MYRIP: variants seen among roughly 807,000 people sequenced by gnomAD.
The protein encoded by MYRIP is rab effector MyRIP.
In MYRIP, 49 loss-of-function variants were observed where a neutral mutation model predicts 98.0. The ratio of observed to expected loss-of-function variants is 0.50; its 90% CI spans 0.40 to 0.63. The LOEUF (loss-of-function observed/expected upper bound fraction) is 0.63. Among genes scored for constraint, MYRIP ranks in the 30% least tolerant of loss-of-function variants. MYRIP has a pLI of 0.00. For missense variants in MYRIP, 1,004 were observed against 1,058.2 expected, an observed-to-expected ratio of 0.95 and a Z score of 0.71; for synonymous variants, 404 against 409.5, an observed-to-expected ratio of 0.99 and a Z score of 0.16.
intron 2 of MYRIP, among the ~76,000 whole-genome samples, chr3:39,940,185 C>A (rs1467465049): frequency 6.6e-6 from 1 of 151,960 alleles, no homozygotes; most frequent in African/African-American, 2.4e-5. Context: ...ACAATGATAT[C>A]ATTAGCTATT....
chr3:40,078,307 T>C (rs928477526), intron 3 of MYRIP, among the ~76,000 whole-genome samples: 12 of 152,126 alleles, frequency 7.9e-5, no homozygotes, highest in African/African-American at 2.7e-4. Context: ...CGCACCTCTC[T>C]CCCTCCACAC....
At chr3:40,178,031 A>G (rs1950805634) in intron 8 of MYRIP, among the ~76,000 whole-genome samples, 1 of 152,216 alleles carries the variant, frequency 6.6e-6, no homozygotes, top group Admixed American at 6.5e-5. Flanking sequence ...GACCCTAAAA[A>G]CACAAAGCAA....
intron 10 of MYRIP, 85 bp downstream of exon 10, chr3:40,190,548 G>A: frequency 6.7e-7 from 1 of 1,490,420 alleles, no homozygotes; most frequent in South Asian, 1.4e-5. Context: ...ATAGAGTCCT[G>A]GGTTTGGAAT....
chr3:40,048,504 G>A (rs1947717654), intron 3 of MYRIP, among the ~76,000 whole-genome samples: 1 of 152,130 alleles, frequency 6.6e-6, no homozygotes, highest in African/African-American at 2.4e-5. Context: ...ACCTGGGGCT[G>A]TCTATTGTAC....
chr3:40,132,990 G>T (rs1332624021), intron 3 of MYRIP, among the ~76,000 whole-genome samples: 1 of 152,254 alleles, frequency 6.6e-6, no homozygotes, highest in African/African-American at 2.4e-5. Flanking sequence ...ACTGGCTCAT[G>T]GTGGGAACTA....
At chr3:40,016,238 C>G (rs566763976) in intron 2 of MYRIP, among the ~76,000 whole-genome samples, 1 of 152,184 alleles carries the variant, frequency 6.6e-6, no homozygotes, top group Admixed American at 6.5e-5. Context: ...CCTGTGTTTC[C>G]TCTTGGCTAT....
At chr3:39,822,803 C>A (rs575559165) in intron 1 of MYRIP, among the ~76,000 whole-genome samples, 1 of 151,458 alleles carries the variant, frequency 6.6e-6, no homozygotes, top group East Asian at 1.9e-4. Flanking sequence ...CTGTTCCTGG[C>A]TTATTTCACC....
intron 4 of MYRIP, among the ~76,000 whole-genome samples, chr3:40,162,180 T>G (rs1182817049): frequency 2.6e-5 from 4 of 152,016 alleles, no homozygotes; most frequent in African/African-American, 9.7e-5. Flanking sequence ...GCACTTAACC[T>G]ATCTATAATT....
At chr3:39,864,688 T>G (rs1437376091) in intron 1 of MYRIP, among the ~76,000 whole-genome samples, 2 of 152,176 alleles carry the variant, frequency 1.3e-5, no homozygotes, top group Non-Finnish European at 2.9e-5. Flanking sequence ...TGCTTATGGA[T>G]AGGAAGAATC....
intron 2 of MYRIP, among the ~76,000 whole-genome samples, chr3:39,975,897 T>C (rs1296865183): frequency 4.6e-5 from 7 of 152,180 alleles, no homozygotes; most frequent in African/African-American, 1.4e-4. Context: ...CAAAAATTAA[T>C]TCCAGATGGA....
At chr3:39,936,029 A>G (rs1196992459) in intron 2 of MYRIP, among the ~76,000 whole-genome samples, 1 of 152,220 alleles carries the variant, frequency 6.6e-6, no homozygotes, top group East Asian at 1.9e-4. Context: ...AATACTGTTA[A>G]CCTTCCTAGG....
At chr3:39,963,714 T>A (rs1278743574) in intron 2 of MYRIP, among the ~76,000 whole-genome samples, 2 of 152,144 alleles carry the variant, frequency 1.3e-5, no homozygotes, top group Admixed American at 1.3e-4. Context: ...TTTATGTATA[T>A]CTGAACATGT....
chr3:40,026,028 G>A (rs1947118257), intron 2 of MYRIP, among the ~76,000 whole-genome samples: 3 of 152,124 alleles, frequency 2.0e-5, no homozygotes, highest in Admixed American at 2.0e-4. Flanking sequence ...TTACCAGGGT[G>A]TGGTTTTTCC....
intron 2 of MYRIP, among the ~76,000 whole-genome samples, chr3:39,961,903 GAATA>G (rs777509899): frequency 1.3e-5 from 2 of 152,090 alleles, no homozygotes; most frequent in Non-Finnish European, 2.9e-5. Flanking sequence ...TAGGCCCAGG[GAATA>G]AGGGCATTAG....
intron 1 of MYRIP, among the ~76,000 whole-genome samples, chr3:39,860,232 C>T (rs1022604121): frequency 3.3e-5 from 5 of 152,166 alleles, no homozygotes; most frequent in African/African-American, 9.7e-5. Context: ...GAGGAGCAAC[C>T]TGCTCTTGCC....
rs1575603014 is a variant in MYRIP, at chr3:40,182,165, C to T, written c.874-55C>T. 13 of 1,485,452 alleles carry T rather than the reference C, an allele frequency of 8.8e-6. No homozygotes were observed. In the East Asian group the frequency reaches 2.9e-4, roughly 33 times the overall value. The allele number at this position is 1,485,452 out of a possible 1,614,324, so 92.0% of individuals were successfully genotyped here. A position where few individuals can be genotyped will look rare whatever the true frequency, so the allele number is the denominator to read the frequency against. ...TCTGCCCCCAAAAGGTGAAGGCACA[C>T]CTCCCAGGCACTGTACCTTATGAGC... On this transcript the variant is annotated intron_variant, in intron 8 of 16. Transcript: ENST00000302541.
At chr3:40,018,393 A>G (rs747054327) in intron 2 of MYRIP, among the ~76,000 whole-genome samples, 2 of 152,196 alleles carry the variant, frequency 1.3e-5, no homozygotes, top group Non-Finnish European at 2.9e-5. Flanking sequence ...GTCTCCCGCT[A>G]AACATGTTCA....
chr3:40,167,243 G>A lies in MYRIP; in HGVS notation c.729+4G>A, dbSNP rs144535737. ...GGCCACGACAATCCTGCAGAAGGTA[G>A]GTGGGTCCTGGCAGTGGGATGGCTG... is the stretch of plus-strand genomic sequence containing the variant. On this transcript the variant is annotated splice_donor_region_variant and intron_variant, in intron 7 of 16. Transcript: ENST00000302541. 1,191 of 1,614,068 alleles carry A rather than the reference G, an allele frequency of 7.4e-4. 9 individuals are homozygous for A. The African/African-American group carries it at 0.014, about 19-fold the overall frequency.
chr3:40,241,090 A>T (rs2099170776), intron 12 of MYRIP, among the ~76,000 whole-genome samples: 1 of 152,220 alleles, frequency 6.6e-6, no homozygotes, highest in Admixed American at 6.5e-5. Flanking sequence ...AAGGACTAGC[A>T]TAGCATTCTC....
Sources: allele counts gnomAD v4.1 joint callset (sites outside exome capture counted in the v4.1 genomes callset), GRCh38; gene constraint gnomAD v4.1.1; transcripts MANE v1.5; gene names NCBI Gene and HGNC (gene_info 2026-07-23, HGNC 2026-07-21).